UPK3A: variants seen among roughly 807,000 people sequenced by gnomAD.
UPK3A encodes the protein uroplakin-3a.
A neutral mutation model predicts 27.6 loss-of-function variants in UPK3A; 32 were observed. The observed-to-expected ratio is 1.16, with a 90% confidence interval of 0.87 to 1.55. The LOEUF is 1.55. Among genes scored for constraint, UPK3A ranks in the 40% most tolerant of loss-of-function variants. UPK3A has a pLI of 0.00. For missense variants in UPK3A, 370 were observed against 367.9 expected (o/e 1.01, Z -0.05); for synonymous variants, 171 against 163.9 (o/e 1.04, Z -0.33).
chr22:45,288,181 T>C (rs1357052757), intron 3 of UPK3A, among the ~76,000 whole-genome samples: 1 of 150,652 alleles, frequency 6.6e-6, no homozygotes, highest in East Asian at 2.0e-4. Context: ...AGCCTTGCCA[T>C]CTGCAGCCTC....
At chr22:45,290,969 G>A (rs541020927) in intron 4 of UPK3A, among the ~76,000 whole-genome samples, 2 of 152,220 alleles carry the variant, frequency 1.3e-5, no homozygotes, top group Middle Eastern at 3.4e-3. Context: ...CAAGCTCAGG[G>A]CTCCCACTGA....
rs575102384 is a variant in UPK3A at position 45,293,491 on chromosome 22, C to T, written c.704+178C>T. ...GGAGCAGAGTCCTGGGATTTCAAAG[C>T]GGGAGGATCATCAAAGTCAAGTTGC... On this transcript the variant is annotated intron_variant, in intron 5 of 5. Coordinates refer to ENST00000216211, the MANE Select transcript of UPK3A (RefSeq NM_006953.4). Among the ~76,000 whole-genome samples the T allele has an allele frequency of 1.4e-4, 21 of 152,108 alleles. 1 individual carries two copies. Among genetic ancestry groups the T allele is most frequent in the East Asian group, 7.7e-4 (4 of 5,172 alleles).
rs547996244 is a variant in UPK3A, at chr22:45,290,326, A to G, written c.571+1183A>G. Among the ~76,000 whole-genome samples the G allele has an allele frequency of 4.3e-4, 65 of 152,234 alleles. No individual in the cohort carries two copies. The South Asian group carries it at 0.013, about 32-fold the overall frequency. On this transcript the variant is annotated intron_variant, in intron 4 of 5. Transcript: ENST00000216211. ...CAGGATGAGTGTCAGGGTCCTGTGC[A>G]TTTCACCTGCAGAGCCTCCTGTTGA...
At chr22:45,287,513 G>A in intron 3 of UPK3A, 62 bp downstream of exon 3, 2 of 1,544,856 alleles carry the variant, frequency 1.3e-6, no homozygotes, top group South Asian at 1.2e-5. Context: ...ATGAGGGAGA[G>A]CAGGGGCAAA....
At chr22:45,291,414 T>C (rs1037785031) in intron 4 of UPK3A, among the ~76,000 whole-genome samples, 2 of 139,584 alleles carry the variant, frequency 1.4e-5, no homozygotes, top group African/African-American at 2.8e-5. Flanking sequence ...TGTGAGAGTG[T>C]GTATTGTATG....
At chr22:45,290,913 C>T (rs1302407268) in intron 4 of UPK3A, among the ~76,000 whole-genome samples, 1 of 152,166 alleles carries the variant, frequency 6.6e-6, no homozygotes, top group Non-Finnish European at 1.5e-5. Context: ...GATGATGTGT[C>T]ACTGTCTCCC....
At chr22:45,286,849 G>A (rs1041520610) in intron 2 of UPK3A, among the ~76,000 whole-genome samples, 2 of 152,132 alleles carry the variant, frequency 1.3e-5, no homozygotes, top group Non-Finnish European at 2.9e-5. Flanking sequence ...CCCTTGGACC[G>A]ATGACCTTCC....
At position 45,287,281 on chromosome 22, in the gene UPK3A, C is replaced by T. The variant is rs1327130663; in HGVS notation, c.318C>T (p.Asp106=). ...RTGPYKAVAF[D]LIPCSDLPSL... is the part of the protein sequence containing the mutation. The stretch of plus-strand genomic sequence containing the variant: ...GTCCCTACAAAGCTGTGGCCTTTGA[C>T]CTGATCCCCTGCAGTGACCTGCCCA... Residue 106 remains aspartate, a synonymous_variant, in exon 3 of 6, where the codon GAC becomes GAT. Coordinates refer to ENST00000216211, the MANE Select transcript of UPK3A (RefSeq NM_006953.4). 7.4e-6 allele frequency: 12 copies of T among 1,614,216 alleles called. No homozygotes were observed. The highest frequency in any genetic ancestry group is 1.0e-5 in the Non-Finnish European group (12 of 1,180,040).
At chr22:45,288,351 C>A (rs370638184) in intron 3 of UPK3A, among the ~76,000 whole-genome samples, 1 of 152,134 alleles carries the variant, frequency 6.6e-6, no homozygotes, top group African/African-American at 2.4e-5. Context: ...GCCCCCACCA[C>A]GCCTGGCTAC....
At chr22:45,293,032 C>T (rs765920016) in intron 4 of UPK3A, 149 bp from the exon 5 acceptor site, 19 of 1,126,860 alleles carry the variant, frequency 1.7e-5, no homozygotes, top group Non-Finnish European at 2.3e-5. Context: ...GGTAATTGTG[C>T]CTAAAACCTG....
chr22:45,289,514 C>G (rs935841404), intron 4 of UPK3A, among the ~76,000 whole-genome samples: 6 of 148,450 alleles, frequency 4.0e-5, no homozygotes, highest in Non-Finnish European at 7.4e-5. Flanking sequence ...GGAGGTGGAG[C>G]TTGCAGTGAG....
At chr22:45,285,141 ACCCTG>A in intron 1 of UPK3A, 76 bp downstream of exon 1, 1 of 1,368,210 alleles carries the variant, frequency 7.3e-7, no homozygotes, top group Non-Finnish European at 9.9e-7. Flanking sequence ...CGCCGCCTGG[ACCCTG>A]ATTCCTGGCG....
At chr22:45,288,156 C>A (rs1284938304) in intron 3 of UPK3A, among the ~76,000 whole-genome samples, 1 of 151,950 alleles carries the variant, frequency 6.6e-6, no homozygotes, top group African/African-American at 2.4e-5. Context: ...CCAGCATGAA[C>A]AGAAACCCTA....
chr22:45,295,254 G>A (rs1049489449), intron 5 of UPK3A, among the ~76,000 whole-genome samples: 1 of 151,988 alleles, frequency 6.6e-6, no homozygotes, highest in African/African-American at 2.4e-5. Flanking sequence ...CATGCTGCGT[G>A]GTCATTGTTG....
chr22:45,287,510 A>C, intron 3 of UPK3A, 59 bp downstream of exon 3: 1 of 1,547,148 alleles, frequency 6.5e-7, no homozygotes, highest in Non-Finnish European at 8.7e-7. Context: ...CTGATGAGGG[A>C]GAGCAGGGGC....
At chr22:45,294,073 G>T (rs191812934) in intron 5 of UPK3A, among the ~76,000 whole-genome samples, 1 of 152,166 alleles carries the variant, frequency 6.6e-6, no homozygotes, top group African/African-American at 2.4e-5. Flanking sequence ...GGAGGGCCGG[G>T]GGGGTGCTGC....
intron 4 of UPK3A, among the ~76,000 whole-genome samples, chr22:45,292,044 C>T (rs1017424226): frequency 1.2e-4 from 18 of 152,130 alleles, no homozygotes; most frequent in South Asian, 8.3e-4. Context: ...GGCATTCCCA[C>T]GCAGTGTGGT....
intron 5 of UPK3A, among the ~76,000 whole-genome samples, chr22:45,294,882 CTT>C (rs533550582): frequency 7.4e-5 from 10 of 134,828 alleles, no homozygotes; most frequent in East Asian, 2.1e-4. Context: ...CCCTACGCTC[CTT>C]TTTTTTTTTT....
chr22:45,290,703 AC>A (rs1181947236), intron 4 of UPK3A, among the ~76,000 whole-genome samples: 13 of 151,958 alleles, frequency 8.6e-5, no homozygotes, highest in African/African-American at 2.9e-4. Context: ...TAGGAACGGG[AC>A]CGCGCAGCAG....
Sources: allele counts gnomAD v4.1 joint callset (sites outside exome capture counted in the v4.1 genomes callset), GRCh38; gene constraint gnomAD v4.1.1; transcripts MANE v1.5; gene names NCBI Gene and HGNC (gene_info 2026-07-23, HGNC 2026-07-21).